The following SLC24A1 variants were observed in gnomAD, a reference collection of about 807,000 sequenced individuals.
SLC24A1 encodes the protein sodium/potassium/calcium exchanger 1.
SLC24A1 carries 52 observed loss-of-function variants against 88.1 expected under a neutral mutation model. That is an observed-to-expected ratio of 0.59 (90% CI 0.47 to 0.74). The LOEUF (loss-of-function observed/expected upper bound fraction) is 0.74. SLC24A1 is among the 30% of genes least tolerant of loss of function. The pLI is 0.00. For missense variants in SLC24A1, 1,173 were observed against 1,363.3 expected, an observed-to-expected ratio of 0.86 and a Z score of 2.20; for synonymous variants, 455 against 498.0, an observed-to-expected ratio of 0.91 and a Z score of 1.15.
At chr15:65,618,773 CTGTTTCTCTTACTTTGACGGG>C (rs1400788673), upstream of SLC24A1, 4 of 152,274 alleles carry the variant, frequency 2.6e-5, no homozygotes, top group East Asian at 7.7e-4. Context: ...ACTTGGTGGG[CTGTTTCTCTTACTTTGACGGG>C]TGTTGTGAAT....
downstream of SLC24A1, chr15:65,659,548 G>C (rs1566975321): frequency 1.3e-5 from 2 of 151,640 alleles, no homozygotes; most frequent in South Asian, 4.2e-4. Flanking sequence ...ATGTTGCTCA[G>C]GCTGGTTTTG....
chr15:65,657,125 C>T (rs1434227828), downstream of SLC24A1, among the ~76,000 whole-genome samples: 2 of 152,108 alleles, frequency 1.3e-5, no homozygotes, highest in African/African-American at 4.8e-5. Flanking sequence ...CCCGCCTCGG[C>T]CTCCCAAAGT....
At chr15:65,639,571 CTG>C (rs768349162) in intron 3 of SLC24A1, 22 bp from the exon 4 acceptor site, 4 of 1,471,366 alleles carry the variant, frequency 2.7e-6, no homozygotes, top group African/African-American at 2.7e-5. Context: ...CAGGGGCCCA[CTG>C]TGCGGCTCTC....
At chr15:65,648,975 A>C (rs1243548594) in intron 6 of SLC24A1, among the ~76,000 whole-genome samples, 1 of 152,216 alleles carries the variant, frequency 6.6e-6, no homozygotes, top group East Asian at 1.9e-4. Context: ...GGAGATAGTC[A>C]GTGGTTCCCA....
chr15:65,643,608 T>A (rs1309947773), intron 4 of SLC24A1, among the ~76,000 whole-genome samples: 1 of 152,200 alleles, frequency 6.6e-6, no homozygotes, highest in Non-Finnish European at 1.5e-5. Context: ...CTTCTCACCT[T>A]GAAATTATAC....
At chr15:65,657,745 G>C (rs551352040), downstream of SLC24A1, among the ~76,000 whole-genome samples, 18 of 152,354 alleles carry the variant, frequency 1.2e-4, no homozygotes, top group East Asian at 3.3e-3. Flanking sequence ...CCTCCAGCAG[G>C]TGCAGCTTGC....
At chr15:65,634,740 C>CAAAAAAAAAAAAAAAAAA (rs5813364) in intron 2 of SLC24A1, among the ~76,000 whole-genome samples, 11 of 90,516 alleles carry the variant, frequency 1.2e-4, no homozygotes, top group East Asian at 3.0e-4. Flanking sequence ...TCAAAAGCAC[C>CAAAAAAAAAAAAAAAAAA]AAAAAAAAAA....
At chr15:65,639,752 C>G in intron 4 of SLC24A1, 49 bp downstream of exon 4, 1 of 1,196,400 alleles carries the variant, frequency 8.4e-7, no homozygotes, top group Non-Finnish European at 1.2e-6. Flanking sequence ...TCCACTCCTT[C>G]CCTCCTGCAG....
intron 5 of SLC24A1, 50 bp downstream of exon 5, chr15:65,644,563 C>A: frequency 7.5e-7 from 1 of 1,327,580 alleles, no homozygotes; most frequent in Non-Finnish European, 1.1e-6. Context: ...CCTCTCCCTG[C>A]TGTCAGTAGT....
At chr15:65,636,933 G>A (rs955847508) in intron 2 of SLC24A1, among the ~76,000 whole-genome samples, 7 of 151,488 alleles carry the variant, frequency 4.6e-5, no homozygotes, top group Non-Finnish European at 7.4e-5. Flanking sequence ...ACTTGGGAGT[G>A]TCTACTCATT....
At chr15:65,626,892 A>G (rs1251875996) in intron 2 of SLC24A1, among the ~76,000 whole-genome samples, 1 of 152,112 alleles carries the variant, frequency 6.6e-6, no homozygotes, top group Admixed American at 6.6e-5. Context: ...AGGGTACCTT[A>G]GGGAACACGG....
chr15:65,622,132 C>T, intron 1 of SLC24A1, 40 bp downstream of exon 1: 1 of 152,240 alleles, frequency 6.6e-6, no homozygotes. Context: ...AGCTGGGGTG[C>T]CAGTTCAGCT....
In SLC24A1 at chr15:65,625,735, A is replaced by G. The variant is rs376177116; in HGVS notation, c.1655A>G (p.Asn552Ser). Residue 552 changes from asparagine to serine, a missense_variant, in exon 2 of 10, where the codon AAC becomes AGC. Coordinates refer to ENST00000261892, the MANE Select transcript of SLC24A1 (RefSeq NM_004727.3). ...TCCCTCTTCTCCCGAGAGATCCTCAACCTCACCTGGTGGCCCTTATTCCGT... is the reference window on the plus strand; with the variant it reads ...TCCCTCTTCTCCCGAGAGATCCTCAGCCTCACCTGGTGGCCCTTATTCCGT... ...TCSLFSREIL[N>S]LTWWPLFRDV... is the part of the protein sequence containing the mutation. 2.2e-5 allele frequency: 35 copies of G among 1,613,748 alleles called. No individual in the cohort carries two copies. The highest frequency in any genetic ancestry group is 4.0e-5 in the African/African-American group (3 of 74,858).
Position 65,614,112 on chromosome 15 carries a change from A to G in SLC24A1, c.-228+1499A>G, listed in dbSNP as rs549616386. ...AAAATTTTATTATGGAAATTTTCAA[A>G]CATAGACAAAGATAGGGAGATTAGG... On this transcript the variant is annotated intron_variant, in intron 2 of 11. Transcript: ENST00000537259. Among the ~76,000 whole-genome samples, 50 of 152,312 alleles carry G rather than the reference A, an allele frequency of 3.3e-4. No individual in the cohort carries two copies. In the South Asian group the frequency reaches 0.01, roughly 32 times the overall value.
intron 2 of SLC24A1, chr15:65,612,739 A>G (rs1437585284): frequency 2.0e-5 from 3 of 152,344 alleles, no homozygotes; most frequent in Non-Finnish European, 4.4e-5. Flanking sequence ...CGACTTAGCC[A>G]TAGGGTTACT....
At chr15:65,652,926 T>C (rs2075554128) in intron 9 of SLC24A1, 118 bp downstream of exon 9, 1 of 798,236 alleles carries the variant, frequency 1.3e-6, no homozygotes, top group Non-Finnish European at 1.9e-6. Flanking sequence ...GCATTTATAT[T>C]GTTAGTTTCT....
intron 1 of SLC24A1, chr15:65,611,805 C>T (rs1473420618): frequency 1.3e-5 from 2 of 152,200 alleles, no homozygotes; most frequent in African/African-American, 2.4e-5. Context: ...AAAAATTAGC[C>T]GGGCATGGTA....
At position 65,624,991 on chromosome 15, in the gene SLC24A1, C is replaced by T. The variant is rs200297933; in HGVS notation, c.911C>T (p.Pro304Leu). 1.9e-4 allele frequency: 299 copies of T among 1,608,130 alleles called. 3 individuals are homozygous for T. The highest frequency in any genetic ancestry group is 4.3e-4 in the African/African-American group (32 of 74,636). The change falls in exon 2 of 10, where the codon CCG becomes CTG. Residue 304 changes from proline to leucine, a missense_variant. Physicochemically the swap from Pro to Leu is moderately conservative, Grantham distance 98. Coordinates refer to ENST00000261892, the MANE Select transcript of SLC24A1 (RefSeq NM_004727.3). ...TGGGGGTTAGTGGGAAAGAGCAACC[C>T]GAAGACTCCCCAGGGAACAGTCCTG... is the stretch of plus-strand genomic sequence containing the variant. ...HPWGLVGKSNPKTPQGTVLLH... is the reference protein window; with the variant it reads ...HPWGLVGKSNLKTPQGTVLLH...
intron 8 of SLC24A1, 51 bp from the exon 9 acceptor site, chr15:65,652,591 T>C (rs2075543343): frequency 6.4e-7 from 1 of 1,569,356 alleles, no homozygotes; most frequent in Non-Finnish European, 8.7e-7. Flanking sequence ...TGGATAGTGC[T>C]TGGATGTGCC....
Sources: gnomAD v4.1 joint callset for allele counts (sites outside exome capture counted in the v4.1 genomes callset) on GRCh38, gnomAD v4.1.1 for gene constraint, MANE v1.5 for transcripts, NCBI Gene and HGNC (gene_info 2026-07-23, HGNC 2026-07-21) for gene names.